Variants in KIAA1217 observed in about 807,000 individuals in gnomAD.
KIAA1217 encodes KIAA1217.
Under a neutral mutation model 163.9 loss-of-function variants are expected in KIAA1217, and 88 were observed. That is an observed-to-expected ratio of 0.54 (90% CI 0.45 to 0.64). KIAA1217 has a LOEUF of 0.64. Among genes scored for constraint, KIAA1217 ranks in the 30% least tolerant of loss-of-function variants. The pLI is 0.00. For missense variants in KIAA1217, 2,372 were observed against 2,475.0 expected (o/e 0.96, Z 0.88); for synonymous variants, 903 against 923.1 (o/e 0.98, Z 0.39).
intron 2 of KIAA1217, among the ~76,000 whole-genome samples, chr10:24,360,044 T>A (rs1404737978): frequency 7.4e-6 from 1 of 135,856 alleles, no homozygotes; most frequent in Admixed American, 7.3e-5. Context: ...TAATTACTTT[T>A]TTTTTTTTTT....
intron 2 of KIAA1217, among the ~76,000 whole-genome samples, chr10:24,342,652 ATTTTTTTTTTTTTTT>A (rs11299912): frequency 1.5e-4 from 14 of 93,510 alleles, no homozygotes; most frequent in Non-Finnish European, 2.5e-4. Context: ...ATACAACTCA[ATTTTTTTTTTTTTTT>A]TTTTTTTTTG....
At chr10:24,513,774 G>T (rs1052608158) in intron 10 of KIAA1217, among the ~76,000 whole-genome samples, 3 of 134,070 alleles carry the variant, frequency 2.2e-5, no homozygotes, top group African/African-American at 6.0e-5. Flanking sequence ...AACACAGGGA[G>T]ATCCTGTCTC....
chr10:24,321,160 A>T (rs943029463), intron 2 of KIAA1217, among the ~76,000 whole-genome samples: 22 of 152,144 alleles, frequency 1.4e-4, no homozygotes, highest in African/African-American at 5.3e-4. Context: ...CTGCAATTTC[A>T]CTTCTCTGTA....
intron 2 of KIAA1217, among the ~76,000 whole-genome samples, chr10:24,284,965 TG>T (rs1289525170): frequency 6.6e-6 from 1 of 152,242 alleles, no homozygotes; most frequent in Non-Finnish European, 1.5e-5. Context: ...ATTGTGGTTT[TG>T]ATTTGCATTT....
intron 2 of KIAA1217, among the ~76,000 whole-genome samples, chr10:24,223,721 T>TC (rs1167738358): frequency 6.6e-6 from 1 of 151,132 alleles, no homozygotes; most frequent in East Asian, 1.9e-4. Flanking sequence ...CTTTTTTTTT[T>TC]TTTTTTTTGG....
chr10:24,110,277 T>A (rs1473445578), intron 2 of KIAA1217, among the ~76,000 whole-genome samples: 1 of 152,176 alleles, frequency 6.6e-6, no homozygotes, highest in Non-Finnish European at 1.5e-5. Flanking sequence ...TTCTCTCTTA[T>A]CCATATGAGA....
chr10:23,759,985 T>C (rs1834166358), intron 1 of KIAA1217, among the ~76,000 whole-genome samples: 1 of 152,216 alleles, frequency 6.6e-6, no homozygotes. Context: ...AATTAGTTCA[T>C]TTTTTCTATT....
At chr10:23,865,344 TTTTA>T (rs1313097751) in intron 1 of KIAA1217, among the ~76,000 whole-genome samples, 1 of 152,194 alleles carries the variant, frequency 6.6e-6, no homozygotes, top group African/African-American at 2.4e-5. Flanking sequence ...TTGAGCATCT[TTTTA>T]TTTATTTATT....
intron 1 of KIAA1217, among the ~76,000 whole-genome samples, chr10:24,216,408 G>A (rs1012633998): frequency 6.6e-6 from 1 of 152,202 alleles, no homozygotes; most frequent in South Asian, 2.1e-4. Flanking sequence ...AGACAGATGT[G>A]TGTATGCCTG....
chr10:23,698,786 A>ATT (rs879270835), intron 1 of KIAA1217, among the ~76,000 whole-genome samples: 18 of 151,088 alleles, frequency 1.2e-4, no homozygotes, highest in African/African-American at 4.4e-4. Flanking sequence ...CGGCTATCCT[A>ATT]TTTTTTTTTC....
chr10:23,958,927 A>G (rs1192184783), intron 1 of KIAA1217, among the ~76,000 whole-genome samples: 3 of 150,046 alleles, frequency 2.0e-5, no homozygotes, highest in Non-Finnish European at 4.4e-5. Context: ...GTGCTAGTAG[A>G]AAACTACTGG....
intron 1 of KIAA1217, among the ~76,000 whole-genome samples, chr10:23,954,650 G>C (rs1844480410): frequency 6.6e-6 from 1 of 151,670 alleles, no homozygotes; most frequent in African/African-American, 2.4e-5. Flanking sequence ...AGGGAGAGAG[G>C]GAGGAAAGAA....
At chr10:24,214,556 G>A (rs2130748179) in intron 1 of KIAA1217, among the ~76,000 whole-genome samples, 1 of 152,328 alleles carries the variant, frequency 6.6e-6, no homozygotes, top group Non-Finnish European at 1.5e-5. Flanking sequence ...ACTGGAATTA[G>A]TACAAGGACC....
rs1394799273 is a variant in KIAA1217, at chr10:24,482,314, CT to C, written c.1679+8255del. On this transcript the variant is annotated intron_variant, in intron 6 of 20. Coordinates refer to ENST00000376454, the MANE Select transcript of KIAA1217 (RefSeq NM_019590.5). ...CATGAGGTGCTCTCAATCAGAAGCCCTAAGTCTGAGACCAGAAACTTAAGCC... is the reference window on the plus strand; with the variant it reads ...CATGAGGTGCTCTCAATCAGAAGCCCAAGTCTGAGACCAGAAACTTAAGCC... 3 of 152,332 alleles carry C rather than the reference CT, an allele frequency of 2.0e-5. No homozygotes were observed. In the East Asian group the frequency reaches 5.8e-4, roughly 29 times the overall value. The allele number at this position is 152,332 out of a possible 1,614,324, so 9.4% of individuals were successfully genotyped here. A position where few individuals can be genotyped will look rare whatever the true frequency, so the allele number is the denominator to read the frequency against.
intron 2 of KIAA1217, among the ~76,000 whole-genome samples, chr10:24,013,990 T>A (rs1847363976): frequency 1.3e-5 from 2 of 152,182 alleles, no homozygotes; most frequent in Admixed American, 1.3e-4. Flanking sequence ...TCCACCAAAG[T>A]ATGGAACAGG....
At chr10:24,339,169 A>C (rs546890516) in intron 2 of KIAA1217, among the ~76,000 whole-genome samples, 144 of 152,242 alleles carry the variant, frequency 9.5e-4, no homozygotes, top group Non-Finnish European at 1.8e-3. Flanking sequence ...TATTTTCCTT[A>C]TCTCTAATTA....
Position 24,542,223 on chromosome 10 carries a change from A to G in KIAA1217, c.3535-470A>G, listed in dbSNP as rs546113759. ...CTAAAATTCCCCTGGGCTGGTTCCT[A>G]AGTTTATAGGCAAGAAAACTGAGGC... On this transcript the variant is annotated intron_variant, in intron 17 of 20. Transcript: ENST00000376454. Among the ~76,000 whole-genome samples, 11 of 152,334 alleles carry G rather than the reference A, an allele frequency of 7.2e-5. No homozygotes were observed. In the East Asian group the frequency reaches 2.1e-3, roughly 29 times the overall value.
At chr10:24,500,397 CGTGTGTGT>C (rs10667719) in intron 8 of KIAA1217, among the ~76,000 whole-genome samples, 2 of 125,786 alleles carry the variant, frequency 1.6e-5, no homozygotes, top group African/African-American at 5.9e-5. Context: ...AGAGTGTGTG[CGTGTGTGT>C]GTGTGTGTGT....
At chr10:24,203,468 A>T (rs921875387) in intron 2 of KIAA1217, among the ~76,000 whole-genome samples, 1 of 151,980 alleles carries the variant, frequency 6.6e-6, no homozygotes, top group Non-Finnish European at 1.5e-5. Context: ...AAGTTGGGGG[A>T]TGTTGGTGGG....
Sources: allele counts gnomAD v4.1 joint callset (sites outside exome capture counted in the v4.1 genomes callset), GRCh38; gene constraint gnomAD v4.1.1; transcripts MANE v1.5; gene names NCBI Gene and HGNC (gene_info 2026-07-23, HGNC 2026-07-21).